LDB2: variants seen among roughly 807,000 people sequenced by gnomAD.
The protein encoded by LDB2 is LIM domain binding 2, also known as LIM domain-binding protein 2.
Under a neutral mutation model 44.3 loss-of-function variants are expected in LDB2, and 12 were observed. That is an observed-to-expected ratio of 0.27 (90% CI 0.17 to 0.44). The LOEUF is 0.44. Ranked by LOEUF, LDB2 falls within the 20% of genes least tolerant of loss-of-function variation. LDB2 has a pLI of 1.00. For missense variants in LDB2, 344 were observed against 473.5 expected (o/e 0.73, Z 2.54); for synonymous variants, 164 against 174.8 (o/e 0.94, Z 0.49).
chr4:16,608,330 G>A (rs1229046888), intron 2 of LDB2, among the ~76,000 whole-genome samples: 3 of 152,068 alleles, frequency 2.0e-5, no homozygotes, highest in Non-Finnish European at 2.9e-5. Flanking sequence ...CACATTCCTC[G>A]GGAGTCCACA....
At chr4:16,507,311 CAGG>C (rs1284930936) in intron 7 of LDB2, 4 of 152,110 alleles carry the variant, frequency 2.6e-5, no homozygotes, top group Non-Finnish European at 5.9e-5. Flanking sequence ...CTGTGGGAGA[CAGG>C]AGAAGAGAAA....
chr4:16,838,638 G>T (rs148045483), intron 1 of LDB2, among the ~76,000 whole-genome samples: 2 of 152,132 alleles, frequency 1.3e-5, no homozygotes, highest in African/African-American at 4.8e-5. Context: ...TGGAAGAAGT[G>T]TCTTGCTTTG....
chr4:16,651,725 A>G (rs936917864), intron 2 of LDB2, among the ~76,000 whole-genome samples: 2 of 152,034 alleles, frequency 1.3e-5, no homozygotes, highest in African/African-American at 4.8e-5. Context: ...CCTTCCCATG[A>G]CTAGGTCTAA....
chr4:16,534,874 C>T (rs181397728), intron 5 of LDB2, among the ~76,000 whole-genome samples: 1 of 152,292 alleles, frequency 6.6e-6, no homozygotes, highest in Admixed American at 6.5e-5. Flanking sequence ...TGAGGTCTCT[C>T]AGCTCAGGAC....
At chr4:16,613,856 T>C (rs1044190782) in intron 2 of LDB2, among the ~76,000 whole-genome samples, 9 of 152,226 alleles carry the variant, frequency 5.9e-5, no homozygotes, top group Non-Finnish European at 1.3e-4. Flanking sequence ...AAGTAATTTA[T>C]AGATTCAATG....
chr4:16,852,059 T>C (rs1788374658), intron 1 of LDB2, among the ~76,000 whole-genome samples: 1 of 152,218 alleles, frequency 6.6e-6, no homozygotes. Context: ...CCTGATCCTC[T>C]CATGTTCCAG....
intron 1 of LDB2, among the ~76,000 whole-genome samples, chr4:16,764,756 C>T (rs564241559): frequency 2.0e-5 from 3 of 152,254 alleles, no homozygotes; most frequent in South Asian, 2.1e-4. Context: ...AGAAATGATG[C>T]GGAAGTACCA....
intron 1 of LDB2, among the ~76,000 whole-genome samples, chr4:16,861,229 G>A (rs1712438698): frequency 6.6e-6 from 1 of 152,122 alleles, no homozygotes; most frequent in African/African-American, 2.4e-5. Context: ...AAAAGAATGT[G>A]ATTTTCAGTC....
chr4:16,822,825 T>C (rs899165610), intron 1 of LDB2, among the ~76,000 whole-genome samples: 2 of 152,190 alleles, frequency 1.3e-5, no homozygotes, highest in African/African-American at 4.8e-5. Context: ...CACGTGCTCT[T>C]ATATTAACAA....
intron 5 of LDB2, among the ~76,000 whole-genome samples, chr4:16,571,537 G>T (rs1256476062): frequency 6.6e-6 from 1 of 151,668 alleles, no homozygotes. Flanking sequence ...TAACATTTTT[G>T]CAGCATGATA....
intron 1 of LDB2, among the ~76,000 whole-genome samples, chr4:16,797,608 T>C (rs1415061410): frequency 6.6e-6 from 1 of 152,170 alleles, no homozygotes; most frequent in Non-Finnish European, 1.5e-5. Context: ...TCTCGGGTCC[T>C]AGGGTTCTCT....
intron 5 of LDB2, among the ~76,000 whole-genome samples, chr4:16,524,960 A>G (rs921279338): frequency 6.6e-6 from 1 of 152,214 alleles, no homozygotes; most frequent in Non-Finnish European, 1.5e-5. Context: ...GTAAGGTAAT[A>G]TTTAAACACT....
At chr4:16,508,100 C>T (rs1244217979) in intron 7 of LDB2, among the ~76,000 whole-genome samples, 4 of 129,238 alleles carry the variant, frequency 3.1e-5, no homozygotes, top group East Asian at 2.3e-4. Context: ...TAAGAGGGGA[C>T]GCCCATGTTG....
intron 1 of LDB2, among the ~76,000 whole-genome samples, chr4:16,864,751 C>G (rs1029870581): frequency 3.9e-5 from 6 of 151,904 alleles, no homozygotes; most frequent in South Asian, 4.2e-4. Context: ...ATGGTGAAAC[C>G]CTGTCTCTAC....
chr4:16,749,254 T>C (rs1015863045), intron 2 of LDB2, among the ~76,000 whole-genome samples: 2 of 152,112 alleles, frequency 1.3e-5, no homozygotes, highest in Admixed American at 1.3e-4. Context: ...GTAGGTTGGG[T>C]AGGCATAATT....
chr4:16,793,864 C>A (rs1276282897), intron 1 of LDB2, among the ~76,000 whole-genome samples: 1 of 152,028 alleles, frequency 6.6e-6, no homozygotes, highest in South Asian at 2.1e-4. Flanking sequence ...AGGCTCTATC[C>A]CCATTTTACA....
At chr4:16,854,152 AAAAC>A (rs1788854223) in intron 1 of LDB2, among the ~76,000 whole-genome samples, 1 of 152,102 alleles carries the variant, frequency 6.6e-6, no homozygotes, top group South Asian at 2.1e-4. Context: ...TTGCCAGAAA[AAAAC>A]AAAACAAAAC....
At chr4:16,785,478 C>T (rs1774218430) in intron 1 of LDB2, among the ~76,000 whole-genome samples, 1 of 152,162 alleles carries the variant, frequency 6.6e-6, no homozygotes, top group South Asian at 2.1e-4. Flanking sequence ...GTTGCAAGTG[C>T]CCATTCCGAC....
At chr4:16,774,441 T>G (rs1316107240) in intron 1 of LDB2, among the ~76,000 whole-genome samples, 1 of 152,190 alleles carries the variant, frequency 6.6e-6, no homozygotes, top group Non-Finnish European at 1.5e-5. Context: ...TCCTTTTATG[T>G]CCCAGCAATT....
Sources: gnomAD v4.1 joint callset for allele counts (sites outside exome capture counted in the v4.1 genomes callset) on GRCh38, gnomAD v4.1.1 for gene constraint, MANE v1.5 for transcripts, NCBI Gene and HGNC (gene_info 2026-07-23, HGNC 2026-07-21) for gene names.